Variants in RABIF observed in about 807,000 individuals in gnomAD.
RABIF encodes the protein RAB interacting factor, also known as guanine nucleotide exchange factor MSS4.
Under a neutral mutation model 12.3 loss-of-function variants are expected in RABIF, and 13 were observed. The observed-to-expected ratio is 1.06, with a 90% CI of 0.69 to 1.68. The LOEUF is 1.68. Among genes scored for constraint, RABIF ranks in the 40% most tolerant of loss-of-function variants. The pLI is 0.00. For synonymous variants in RABIF, 70 were observed against 63.3 expected (o/e 1.11, Z -0.50); for missense variants, 153 against 158.0 (o/e 0.97, Z 0.17).
Position 202,888,884 on chromosome 1 carries a change from G to A in RABIF, c.126+89C>T, listed in dbSNP as rs911239956. The A allele has an allele frequency of 6.3e-6, 9 of 1,420,530 alleles. No homozygotes were observed. The African/African-American group carries it at 1.2e-4, about 19-fold the overall frequency. 88.0% of individuals were successfully genotyped at this position (1,420,530 alleles called of 1,614,324 possible). ...CCGCGCGAGGAGGGCGCGGTTGCCG[G>A]AAATTGAAGAGCCGGGGTTCAGATT... is the stretch of plus-strand genomic sequence containing the variant. On this transcript the variant is annotated intron_variant, in intron 1 of 1. Coordinates refer to ENST00000367262, the MANE Select transcript of RABIF (RefSeq NM_002871.5).
At chr1:202,888,840 C>G in intron 1 of RABIF, 133 bp downstream of exon 1, 2 of 1,268,494 alleles carry the variant, frequency 1.6e-6, no homozygotes, top group Middle Eastern at 5.5e-4. Context: ...AGCTGAGGCC[C>G]GAGGGGCGGG....
intron 1 of RABIF, among the ~76,000 whole-genome samples, chr1:202,881,551 GCCA>G (rs1659491827): frequency 6.6e-6 from 1 of 152,000 alleles, no homozygotes; most frequent in Non-Finnish European, 1.5e-5. Context: ...ACAGGTGCCC[GCCA>G]CCACGCCTGG....
intron 1 of RABIF, among the ~76,000 whole-genome samples, chr1:202,882,608 G>C (rs569940669): frequency 9.8e-4 from 149 of 152,130 alleles, no homozygotes; most frequent in Non-Finnish European, 1.8e-3. Context: ...ATGTATACTG[G>C]TGAAACCATT....
At chr1:202,887,804 T>A (rs1298202493) in intron 1 of RABIF, among the ~76,000 whole-genome samples, 2 of 152,044 alleles carry the variant, frequency 1.3e-5, no homozygotes, top group Non-Finnish European at 2.9e-5. Context: ...GCGCCCAGCC[T>A]AACTGTTTTA....
chr1:202,888,943 G>A, intron 1 of RABIF, 30 bp downstream of exon 1: 4 of 1,518,516 alleles, frequency 2.6e-6, no homozygotes, highest in Non-Finnish European at 3.5e-6. Context: ...GAGACTGTGG[G>A]TGTAAACGGC....
intron 1 of RABIF, among the ~76,000 whole-genome samples, 184 bp from the exon 2 acceptor site, chr1:202,881,407 CT>C (rs11455530): frequency 6.7e-5 from 10 of 149,064 alleles, no homozygotes; most frequent in Admixed American, 6.7e-5. Flanking sequence ...TGCCCTGATT[CT>C]TTTTTTTTTG....
Position 202,889,050 on chromosome 1 carries a change from T to C in RABIF, c.49A>G (p.Asn17Asp). The part of the protein sequence containing the change: ...PSELVSAEGR[N>D]RKAVLCQRCG... ...CGCTGGCACAGCACCGCCTTCCGGT[T>C]TCGGCCCTCGGCTGACACTAACTCG... The change falls in exon 1 of 2, where the codon AAC becomes GAC. Residue 17 changes from asparagine to aspartate, a missense_variant. Physicochemically the swap from Asn to Asp is conservative, Grantham distance 23. Transcript: ENST00000367262. The C allele has an allele frequency of 6.2e-7, 1 of 1,611,238 alleles. No homozygotes were observed. Among genetic ancestry groups the C allele is most frequent in the Non-Finnish European group, 8.5e-7 (1 of 1,179,064 alleles).
chr1:202,886,478 T>C (rs35879195), intron 1 of RABIF, among the ~76,000 whole-genome samples: 82,626 of 151,724 alleles, frequency 0.54, 23,301 homozygotes, highest in Non-Finnish European at 0.62. Context: ...CCCAGCTACT[T>C]GGGAAGCTGA....
intron 1 of RABIF, among the ~76,000 whole-genome samples, chr1:202,887,663 A>G (rs1035751199): frequency 3.3e-5 from 5 of 150,594 alleles, no homozygotes; most frequent in African/African-American, 1.2e-4. Context: ...ACCCCCAACT[A>G]ATTTTTGTAT....
intron 1 of RABIF, among the ~76,000 whole-genome samples, chr1:202,886,971 T>G (rs558042450): frequency 6.7e-6 from 1 of 150,144 alleles, no homozygotes; most frequent in African/African-American, 2.4e-5. Flanking sequence ...TGACCTCAAG[T>G]GATCCGCCCA....
chr1:202,886,494 G>GA (rs1244425309), intron 1 of RABIF, among the ~76,000 whole-genome samples: 1 of 152,054 alleles, frequency 6.6e-6, no homozygotes, highest in East Asian at 1.9e-4. Flanking sequence ...GCTGAGGTAG[G>GA]AAAATCACTT....
chr1:202,888,001 C>T (rs1343769438), intron 1 of RABIF, among the ~76,000 whole-genome samples: 1 of 152,208 alleles, frequency 6.6e-6, no homozygotes, highest in East Asian at 1.9e-4. Context: ...CATCAAAATA[C>T]CTACAAAACA....
At chr1:202,886,040 A>C (rs1041938434) in intron 1 of RABIF, among the ~76,000 whole-genome samples, 1 of 151,938 alleles carries the variant, frequency 6.6e-6, no homozygotes, top group Non-Finnish European at 1.5e-5. Flanking sequence ...GCATTAAAAA[A>C]ATTCTTAGGC....
intron 1 of RABIF, among the ~76,000 whole-genome samples, chr1:202,887,282 A>G (rs1040465495): frequency 6.6e-6 from 1 of 152,106 alleles, no homozygotes; most frequent in Admixed American, 6.5e-5. Flanking sequence ...CATATGGCTC[A>G]GAACGGCTTT....
chr1:202,881,758 G>A (rs1021939384), intron 1 of RABIF, among the ~76,000 whole-genome samples: 1 of 152,194 alleles, frequency 6.6e-6, no homozygotes, highest in Non-Finnish European at 1.5e-5. Flanking sequence ...TTTCACTGCT[G>A]TCCTCAACAT....
chr1:202,886,164 C>G (rs1659557503), intron 1 of RABIF, among the ~76,000 whole-genome samples: 1 of 142,004 alleles, frequency 7.0e-6, no homozygotes, highest in Non-Finnish European at 1.5e-5. Flanking sequence ...TAGTATCAAA[C>G]AAGAATTAAG....
chr1:202,886,736 TTC>T (rs1236157554), intron 1 of RABIF, among the ~76,000 whole-genome samples: 4 of 59,122 alleles, frequency 6.8e-5, no homozygotes, highest in African/African-American at 1.6e-4. Context: ...CTATGTTTTT[TTC>T]TTTTTTCTTT....
chr1:202,887,045 TTTA>T (rs1557980092), intron 1 of RABIF, among the ~76,000 whole-genome samples: 26 of 150,278 alleles, frequency 1.7e-4, no homozygotes, highest in South Asian at 6.3e-4. Context: ...TTTTTTTTTT[TTTA>T]AAGAAAAAAC....
Position 202,880,854 on chromosome 1 carries a change from T to C in RABIF, c.*124A>G. 6.6e-7 allele frequency: 1 copy of C among 1,511,228 alleles called. No individual in the cohort carries two copies. The highest frequency in any genetic ancestry group is 1.3e-5 in the South Asian group (1 of 75,536). The allele number at this position is 1,511,228 out of a possible 1,614,324, so 93.6% of individuals were successfully genotyped here. ...CCTCTGCATGTTCAAATGGACATGC[T>C]GGTACTCAGTATTTATATTAGCACA... is the stretch of plus-strand genomic sequence containing the variant. On this transcript the variant is annotated 3_prime_UTR_variant, in exon 2 of 2. Transcript: ENST00000367262.
Sources: allele counts gnomAD v4.1 joint callset (sites outside exome capture counted in the v4.1 genomes callset), GRCh38; gene constraint gnomAD v4.1.1; transcripts MANE v1.5; gene names NCBI Gene and HGNC (gene_info 2026-07-23, HGNC 2026-07-21).